Variants in RALYL observed in about 807,000 individuals in gnomAD.
The protein encoded by RALYL is RNA-binding Raly-like protein.
In RALYL, 29 loss-of-function variants were observed where a neutral mutation model predicts 35.1. The observed-to-expected ratio is 0.83, with a 90% CI of 0.61 to 1.13. The LOEUF is 1.13. Ranked by LOEUF, RALYL falls within the 50% of genes most tolerant of loss-of-function variation. The pLI is 0.00. For missense variants in RALYL, 359 were observed against 360.4 expected, an observed-to-expected ratio of 1.00 and a Z score of 0.03; for synonymous variants, 120 against 127.6, an observed-to-expected ratio of 0.94 and a Z score of 0.40.
At chr8:84,646,572 T>C (rs991201467) in intron 2 of RALYL, among the ~76,000 whole-genome samples, 4 of 152,106 alleles carry the variant, frequency 2.6e-5, no homozygotes, top group African/African-American at 9.6e-5. Context: ...TGTGTGGATG[T>C]GGTCTGATTT....
intron 2 of RALYL, among the ~76,000 whole-genome samples, chr8:84,684,582 A>G (rs763510937): frequency 6.6e-6 from 1 of 152,226 alleles, no homozygotes; most frequent in Non-Finnish European, 1.5e-5. Flanking sequence ...ATGAGAAAAC[A>G]CTATCTGTGT....
intron 2 of RALYL, among the ~76,000 whole-genome samples, chr8:84,710,321 C>T (rs1184793191): frequency 6.6e-6 from 1 of 151,898 alleles, no homozygotes; most frequent in African/African-American, 2.4e-5. Context: ...TGTTTTGAGA[C>T]AGAGCCTCAC....
intron 1 of RALYL, among the ~76,000 whole-genome samples, chr8:84,321,383 G>A (rs935317465): frequency 8.5e-5 from 13 of 152,112 alleles, no homozygotes; most frequent in Non-Finnish European, 1.8e-4. Flanking sequence ...AATCCAGAGA[G>A]CCACATCAAA....
rs143554141 is a variant in RALYL, at chr8:84,632,169, G to C, written c.256+102592G>C. ...GCTGGAAGATGCCGTCTATGAACAA[G>C]AAGGCAGGACCTCATAAGACACAGA... On this transcript the variant is annotated intron_variant, in intron 2 of 8. Transcript: ENST00000521268. Among the ~76,000 whole-genome samples the C allele has an allele frequency of 1.6e-3, 243 of 152,024 alleles. 2 individuals carry two copies. Among genetic ancestry groups the C allele is most frequent in the African/African-American group, 5.2e-3 (216 of 41,510 alleles).
chr8:84,392,257 C>G (rs946680357), intron 1 of RALYL, among the ~76,000 whole-genome samples: 1 of 151,982 alleles, frequency 6.6e-6, no homozygotes, highest in Non-Finnish European at 1.5e-5. Flanking sequence ...GAAAAAAAAT[C>G]TGGATAAATC....
At chr8:84,582,686 C>T (rs570287049) in intron 2 of RALYL, among the ~76,000 whole-genome samples, 1 of 151,972 alleles carries the variant, frequency 6.6e-6, no homozygotes, top group South Asian at 2.1e-4. Flanking sequence ...GAAAGCATCA[C>T]TGAGCTAAGT....
At chr8:84,531,280 G>A (rs2059261892) in intron 2 of RALYL, among the ~76,000 whole-genome samples, 1 of 152,112 alleles carries the variant, frequency 6.6e-6, no homozygotes, top group African/African-American at 2.4e-5. Context: ...AACTATTTGG[G>A]AAGGTATGAA....
intron 3 of RALYL, among the ~76,000 whole-genome samples, chr8:84,797,299 C>T (rs1333528473): frequency 6.6e-6 from 1 of 152,198 alleles, no homozygotes; most frequent in Non-Finnish European, 1.5e-5. Context: ...CTTTTTACTA[C>T]CATCACAATG....
chr8:84,371,196 G>A (rs1855612045), intron 1 of RALYL, among the ~76,000 whole-genome samples: 1 of 151,960 alleles, frequency 6.6e-6, no homozygotes, highest in African/African-American at 2.4e-5. Context: ...CCTGAGCTAA[G>A]CACATTCATA....
chr8:84,842,045 A>C (rs565589429), intron 4 of RALYL, among the ~76,000 whole-genome samples: 1 of 152,324 alleles, frequency 6.6e-6, no homozygotes, highest in East Asian at 1.9e-4. Context: ...CCCTAACATC[A>C]CAATTAAAAG....
intron 1 of RALYL, among the ~76,000 whole-genome samples, chr8:84,446,946 C>A (rs2048921126): frequency 6.6e-6 from 1 of 152,040 alleles, no homozygotes; most frequent in South Asian, 2.1e-4. Context: ...TTTTTTATTT[C>A]TATAATTCAC....
intron 3 of RALYL, among the ~76,000 whole-genome samples, chr8:84,793,945 A>T (rs768721558): frequency 2.0e-5 from 3 of 152,220 alleles, no homozygotes; most frequent in Non-Finnish European, 4.4e-5. Context: ...GTTGTAGTTC[A>T]CCAAGTCTAT....
chr8:84,851,283 TATC>T (rs145322277), intron 5 of RALYL, among the ~76,000 whole-genome samples: 7,544 of 152,272 alleles, frequency 0.05, 606 homozygotes, highest in African/African-American at 0.17. Flanking sequence ...TCATTGTTAT[TATC>T]ATGCACATTT....
intron 2 of RALYL, among the ~76,000 whole-genome samples, chr8:84,628,566 A>C (rs1168186646): frequency 6.6e-6 from 1 of 152,148 alleles, no homozygotes; most frequent in Non-Finnish European, 1.5e-5. Flanking sequence ...ATATTTTTAC[A>C]TCAACTCATG....
chr8:84,338,543 C>T (rs1247529488), intron 1 of RALYL, among the ~76,000 whole-genome samples: 2 of 150,620 alleles, frequency 1.3e-5, no homozygotes, highest in Admixed American at 1.3e-4. Flanking sequence ...GGGGAGGGAA[C>T]ATTATATATT....
At chr8:84,797,470 G>A (rs75754191) in intron 3 of RALYL, among the ~76,000 whole-genome samples, 1,945 of 152,282 alleles carry the variant, frequency 0.013, 48 homozygotes, top group African/African-American at 0.044. Flanking sequence ...CACATCGCAA[G>A]CTCTGACTCT....
intron 1 of RALYL, among the ~76,000 whole-genome samples, chr8:84,391,412 G>A (rs1222961245): frequency 1.3e-5 from 2 of 151,934 alleles, no homozygotes; most frequent in Non-Finnish European, 2.9e-5. Flanking sequence ...CTAAAGAAAT[G>A]TGACTGTAGA....
intron 1 of RALYL, among the ~76,000 whole-genome samples, chr8:84,221,334 T>C (rs1213824278): frequency 6.6e-6 from 1 of 151,854 alleles, no homozygotes; most frequent in Non-Finnish European, 1.5e-5. Flanking sequence ...GAACTGCAAG[T>C]AATACTGTTT....
chr8:84,839,101 G>T (rs964936454), intron 4 of RALYL, among the ~76,000 whole-genome samples: 1 of 152,218 alleles, frequency 6.6e-6, no homozygotes, highest in East Asian at 1.9e-4. Context: ...CATCTCACTG[G>T]AGAGTGTCAG....
Sources: allele counts gnomAD v4.1 joint callset (sites outside exome capture counted in the v4.1 genomes callset), GRCh38; gene constraint gnomAD v4.1.1; transcripts MANE v1.5; gene names NCBI Gene and HGNC (gene_info 2026-07-23, HGNC 2026-07-21).